SRM: variants seen among roughly 807,000 people sequenced by gnomAD.
The protein encoded by SRM is putrescine aminopropyltransferase.
In SRM, 14 loss-of-function variants were observed where a neutral mutation model predicts 39.3. The observed-to-expected ratio is 0.36, with a 90% confidence interval of 0.24 to 0.56. SRM has a LOEUF of 0.56. Ranked by LOEUF, SRM falls within the 20% of genes least tolerant of loss-of-function variation. SRM has a pLI of 0.86. For synonymous variants in SRM, 195 were observed against 173.1 expected (o/e 1.13, Z -0.99); for missense variants, 244 against 409.2 (o/e 0.60, Z 3.48).
At chr1:11,057,692 C>T (rs1638904947) in intron 3 of SRM, among the ~76,000 whole-genome samples, 1 of 151,578 alleles carries the variant, frequency 6.6e-6, no homozygotes, top group Admixed American at 6.6e-5. Flanking sequence ...CCCTGACCAC[C>T]CCCCATGCAT....
In SRM at chr1:11,060,016, A is replaced by G. The variant is rs956696878; in HGVS notation, c.-73T>C. On this transcript the variant is annotated 5_prime_UTR_variant, in exon 1 of 8. Coordinates refer to ENST00000376957, the MANE Select transcript of SRM (RefSeq NM_003132.3). ...CGCGGCGCCGCAGCACAACGGGACC[A>G]GCTCCGCCCGCCGCCCGCGCCGCAA... 4.9e-6 allele frequency: 4 copies of G among 811,456 alleles called. No homozygotes were observed. Among genetic ancestry groups the G allele is most frequent in the Non-Finnish European group, 5.9e-6 (4 of 673,790 alleles). 50.3% of individuals were successfully genotyped at this position (811,456 alleles called of 1,614,324 possible).
chr1:11,055,839 C>T lies in SRM; in HGVS notation c.707G>A (p.Cys236Tyr). The change falls in exon 6 of 8, where the codon TGC becomes TAC. Residue 236 changes from cysteine (C) to tyrosine (Y), a missense_variant. Cys to Tyr is a radical substitution (Grantham distance 194). Coordinates refer to ENST00000376957, the MANE Select transcript of SRM (RefSeq NM_003132.3). ...SLFPVVAYAY[C>Y]TIPTYPSGQI... ...GCCGCTGGGGTAGGTGGGGATGGTG[C>T]AGTAGGCATAGGCCACCACGGGGAA... 1 of 1,578,456 alleles carries T rather than the reference C, an allele frequency of 6.3e-7. No homozygotes were observed. The highest frequency in any genetic ancestry group is 8.6e-7 in the Non-Finnish European group (1 of 1,158,520).
At chr1:11,055,120 C>A in intron 6 of SRM, 36 bp from the exon 7 acceptor site, 1 of 1,441,778 alleles carries the variant, frequency 6.9e-7, no homozygotes, top group Non-Finnish European at 9.1e-7. Context: ...AGGGGGGGCA[C>A]TTTTTTTTTT....
chr1:11,054,941 C>A lies in SRM; in HGVS notation c.888+21G>T. On this transcript the variant is annotated intron_variant, in intron 7 of 7. Coordinates refer to ENST00000376957, the MANE Select transcript of SRM (RefSeq NM_003132.3). The surrounding 1 kb of genome is among the most constrained non-coding windows in gnomAD (Gnocchi z 4.8). Reference sequence around the variant, plus strand: ...GCTCTGGGTCCCTGGGTCCCACCACCCAGCCCCGCAGGCCACCCACCTTGC... The same window carrying A: ...GCTCTGGGTCCCTGGGTCCCACCACACAGCCCCGCAGGCCACCCACCTTGC... 2 of 1,611,886 alleles carry A rather than the reference C, an allele frequency of 1.2e-6. No individual in the cohort carries two copies. The highest frequency in any genetic ancestry group is 2.2e-5 in the South Asian group (2 of 90,984).
chr1:11,055,903 C>T lies in SRM; in HGVS notation c.643G>A (p.Asp215Asn). The change falls in exon 6 of 8, where the codon GAC becomes AAC. Residue 215 changes from aspartate to asparagine, a missense_variant. Coordinates refer to ENST00000376957, the MANE Select transcript of SRM (RefSeq NM_003132.3). ...AACTGCCGCATCTCCTTGATGAGGT[C>T]CAGGTGCAGCCACTGGCACTCGCCT... ...CQGECQWLHL[D>N]LIKEMRQFCQ... 2.5e-6 allele frequency: 4 copies of T among 1,605,708 alleles called. No homozygotes were observed. The highest frequency in any genetic ancestry group is 3.4e-6 in the Non-Finnish European group (4 of 1,174,416).
At chr1:11,056,546 G>A in intron 4 of SRM, 58 bp downstream of exon 4, 2 of 1,604,040 alleles carry the variant, frequency 1.2e-6, no homozygotes, top group South Asian at 1.1e-5. Context: ...AGGCCTGGGG[G>A]AGGCTGACCT....
intron 3 of SRM, among the ~76,000 whole-genome samples, chr1:11,057,453 T>A (rs967040907): frequency 6.7e-6 from 1 of 148,552 alleles, no homozygotes; most frequent in Non-Finnish European, 1.5e-5. Context: ...GCCACCAAGC[T>A]GGGCCATTTT....
rs902789362 is a variant in SRM at position 11,056,874 on chromosome 1, CTTTT to C, written c.382-121_382-118del. 96 of 1,014,210 alleles carry C rather than the reference CTTTT, an allele frequency of 9.5e-5. No homozygotes were observed. The African/African-American group carries it at 1.6e-3, about 17-fold the overall frequency. 62.8% of individuals were successfully genotyped at this position (1,014,210 alleles called of 1,614,324 possible). On this transcript the variant is annotated intron_variant, in intron 3 of 7. Coordinates refer to ENST00000376957, the MANE Select transcript of SRM (RefSeq NM_003132.3). ...CAAGCCGCCTTGGCCAACCCCTTCC[CTTTT>C]TTTTATTATTTTTTTTTGAGACAGG...
intron 3 of SRM, 151 bp from the exon 4 acceptor site, chr1:11,056,908 C>T (rs1233475623): frequency 6.6e-6 from 5 of 763,200 alleles, no homozygotes; most frequent in African/African-American, 5.3e-5. Flanking sequence ...GACAGGGTCT[C>T]ACTTTGTGGC....
intron 3 of SRM, among the ~76,000 whole-genome samples, chr1:11,057,507 C>T (rs1053921035): frequency 2.7e-5 from 4 of 149,580 alleles, no homozygotes; most frequent in South Asian, 2.1e-4. Context: ...GTGATCTGCC[C>T]GCCTCAGCCT....
At position 11,055,736 on chromosome 1, in the gene SRM, G is replaced by A. The variant is rs777971974; in HGVS notation, c.765+45C>T. The A allele has an allele frequency of 2.1e-5, 32 of 1,533,822 alleles. No individual in the cohort carries two copies. The South Asian group carries it at 2.7e-4, about 13-fold the overall frequency. The stretch of plus-strand genomic sequence containing the variant: ...GGCAGGGGCAGGGATCTCTATTTAT[G>A]CCCACCTTCCCCCCAACCCCCACCC... On this transcript the variant is annotated intron_variant, in intron 6 of 7. Transcript: ENST00000376957.
At position 11,056,501 on chromosome 1, in the gene SRM, C is replaced by CG. The variant is rs778216605; in HGVS notation, c.535+102dup. ...AGAAGGGAAAAGTACAGCTCTAGTTCGGGGGGTGGGAGGCCGCTCTATCCT... is the reference window on the plus strand; with the variant it reads ...AGAAGGGAAAAGTACAGCTCTAGTTCGGGGGGGTGGGAGGCCGCTCTATCCT... On this transcript the variant is annotated intron_variant, in intron 4 of 7. Coordinates refer to ENST00000376957, the MANE Select transcript of SRM (RefSeq NM_003132.3). The CG allele has an allele frequency of 7.7e-5, 108 of 1,394,762 alleles. No individual in the cohort carries two copies. The East Asian group carries it at 2.3e-3, about 29-fold the overall frequency. The allele number at this position is 1,394,762 out of a possible 1,614,324, so 86.4% of individuals were successfully genotyped here.
rs570916606 is a variant in SRM at position 11,058,905 on chromosome 1, G to A, written c.289-13C>T. The A allele has an allele frequency of 6.3e-7, 1 of 1,594,668 alleles. No homozygotes were observed. Among genetic ancestry groups the A allele is most frequent in the Non-Finnish European group, 8.5e-7 (1 of 1,171,382 alleles). On this transcript the variant is annotated splice_polypyrimidine_tract_variant and intron_variant, in intron 2 of 7. Coordinates refer to ENST00000376957, the MANE Select transcript of SRM (RefSeq NM_003132.3). ...CGATGATCAGCACCTGGGAGGAGGG[G>A]GCAGTCAAGGCAGGGGCCCTGGCAG...
At chr1:11,056,542 G>C (rs1174866198) in intron 4 of SRM, 62 bp downstream of exon 4, 5 of 1,598,714 alleles carry the variant, frequency 3.1e-6, no homozygotes, top group East Asian at 2.2e-5. Flanking sequence ...CTGAAGGCCT[G>C]GGGGAGGCTG....
chr1:11,055,300 G>C (rs1363506256), intron 6 of SRM: 50 of 589,554 alleles, frequency 8.5e-5, no homozygotes, highest in Non-Finnish European at 1.1e-4. Flanking sequence ...GTAGTGATGG[G>C]GTTTCTCCAT....
In SRM at chr1:11,059,998, C is replaced by A. The variant is rs1003232507; in HGVS notation, c.-55G>T. ...GCCCGGGACTGCAGGCCGCGCGGCG[C>A]CGCAGCACAACGGGACCAGCTCCGC... On this transcript the variant is annotated 5_prime_UTR_variant, in exon 1 of 8. Coordinates refer to ENST00000376957, the MANE Select transcript of SRM (RefSeq NM_003132.3). 1 of 919,278 alleles carries A rather than the reference C, an allele frequency of 1.1e-6. No homozygotes were observed. Among genetic ancestry groups the A allele is most frequent in the Non-Finnish European group, 1.3e-6 (1 of 772,026 alleles). 56.9% of individuals were successfully genotyped at this position (919,278 alleles called of 1,614,324 possible).
intron 4 of SRM, among the ~76,000 whole-genome samples, chr1:11,056,368 C>T (rs1336503301): frequency 1.3e-5 from 2 of 152,208 alleles, no homozygotes; most frequent in Non-Finnish European, 2.9e-5. Context: ...TCCTCAGTGT[C>T]CCAATGCCAG....
rs186109142 is a variant in SRM, at chr1:11,055,203, T to C, written c.766-119A>G. ...CGTCATCTCAGCTCACTGCAACCTC[T>C]GTCTCCCAGGTTCAAGTGATTCTCC... On this transcript the variant is annotated intron_variant, in intron 6 of 7. Coordinates refer to ENST00000376957, the MANE Select transcript of SRM (RefSeq NM_003132.3). 1,482 of 1,379,258 alleles carry C rather than the reference T, an allele frequency of 1.1e-3. 17 individuals are homozygous for C. The African/African-American group carries it at 0.018, about 17-fold the overall frequency. 85.4% of individuals were successfully genotyped at this position (1,379,258 alleles called of 1,614,324 possible).
At position 11,059,989 on chromosome 1, in the gene SRM, C is replaced by A. The variant is rs1045014546; in HGVS notation, c.-46G>T. On this transcript the variant is annotated 5_prime_UTR_variant, in exon 1 of 8. Transcript: ENST00000376957. ...GGGGCGCGGGCCCGGGACTGCAGGCCGCGCGGCGCCGCAGCACAACGGGAC... is the reference window on the plus strand; with the variant it reads ...GGGGCGCGGGCCCGGGACTGCAGGCAGCGCGGCGCCGCAGCACAACGGGAC... 48 of 939,384 alleles carry A rather than the reference C, an allele frequency of 5.1e-5. No individual in the cohort carries two copies. The highest frequency in any genetic ancestry group is 4.6e-5 in the Non-Finnish European group (36 of 790,372). The allele number at this position is 939,384 out of a possible 1,614,324, so 58.2% of individuals were successfully genotyped here.
Sources: allele counts gnomAD v4.1 joint callset (sites outside exome capture counted in the v4.1 genomes callset), GRCh38; gene constraint gnomAD v4.1.1; non-coding constraint Gnocchi (gnomAD v3.1); transcripts MANE v1.5; gene names NCBI Gene and HGNC (gene_info 2026-07-23, HGNC 2026-07-21).